The following ADAMTS19 variants were observed in gnomAD, a reference collection of about 807,000 sequenced individuals.
ADAMTS19 encodes A disintegrin and metalloproteinase with thrombospondin motifs 19.
ADAMTS19 carries 93 observed loss-of-function variants against 153.3 expected under a neutral mutation model. The ratio of observed to expected loss-of-function variants is 0.61; its 90% CI spans 0.51 to 0.72. ADAMTS19 has a LOEUF of 0.72. Ranked by LOEUF, ADAMTS19 falls within the 30% of genes least tolerant of loss-of-function variation. ADAMTS19 has a pLI of 0.00. For synonymous variants in ADAMTS19, 600 were observed against 556.6 expected, an observed-to-expected ratio of 1.08 and a Z score of -1.10; for missense variants, 1,482 against 1,552.1, an observed-to-expected ratio of 0.95 and a Z score of 0.76.
intron 3 of ADAMTS19, among the ~76,000 whole-genome samples, chr5:129,517,051 A>G (rs1751639563): frequency 6.6e-6 from 1 of 151,500 alleles, no homozygotes; most frequent in South Asian, 2.1e-4. Context: ...GTCTTTCAGG[A>G]GCATATTGTT....
chr5:129,549,646 T>A (rs1408093341), intron 6 of ADAMTS19, among the ~76,000 whole-genome samples: 2 of 151,338 alleles, frequency 1.3e-5, no homozygotes, highest in Non-Finnish European at 3.0e-5. Flanking sequence ...AATGTAAAAA[T>A]CAATCCAGTA....
intron 6 of ADAMTS19, among the ~76,000 whole-genome samples, chr5:129,535,329 A>G (rs1752375277): frequency 6.6e-6 from 1 of 152,202 alleles, no homozygotes; most frequent in Admixed American, 6.5e-5. Context: ...AAAGAGAATA[A>G]AATACCTAGG....
chr5:129,697,994 C>T (rs1169219017), intron 19 of ADAMTS19, among the ~76,000 whole-genome samples: 1 of 152,164 alleles, frequency 6.6e-6, no homozygotes. Flanking sequence ...CCAAGTTGGT[C>T]TGTGAAGGAG....
At chr5:129,660,456 A>G (rs781100454) in intron 15 of ADAMTS19, among the ~76,000 whole-genome samples, 6 of 152,036 alleles carry the variant, frequency 3.9e-5, no homozygotes, top group Non-Finnish European at 7.4e-5. Flanking sequence ...TTTTTAAAGA[A>G]TATTCTTTCA....
At chr5:129,566,478 T>C (rs1446728629) in intron 7 of ADAMTS19, among the ~76,000 whole-genome samples, 2 of 152,148 alleles carry the variant, frequency 1.3e-5, no homozygotes, top group Admixed American at 6.6e-5. Context: ...TTTTTAAAAG[T>C]AAAAGTAACA....
chr5:129,535,417 C>A (rs376839412), intron 6 of ADAMTS19, among the ~76,000 whole-genome samples: 1 of 152,118 alleles, frequency 6.6e-6, no homozygotes, highest in Non-Finnish European at 1.5e-5. Flanking sequence ...AAAGAGAATA[C>A]AAACAAATGG....
At chr5:129,514,995 T>G (rs1024105153) in intron 3 of ADAMTS19, among the ~76,000 whole-genome samples, 1 of 152,242 alleles carries the variant, frequency 6.6e-6, no homozygotes, top group Admixed American at 6.6e-5. Flanking sequence ...AAAGTTTCAT[T>G]CTTTTGCAAA....
At chr5:129,544,012 A>T (rs1001767574) in intron 6 of ADAMTS19, among the ~76,000 whole-genome samples, 33 of 152,102 alleles carry the variant, frequency 2.2e-4, no homozygotes, top group African/African-American at 7.7e-4. Context: ...TTTTAGCTCT[A>T]CCTTTTCCAC....
At chr5:129,634,221 A>C (rs924085549) in intron 10 of ADAMTS19, among the ~76,000 whole-genome samples, 1 of 152,186 alleles carries the variant, frequency 6.6e-6, no homozygotes, top group African/African-American at 2.4e-5. Context: ...CTAGGAATAC[A>C]GCCAAGCAGG....
chr5:129,542,071 C>A (rs1752671486), intron 6 of ADAMTS19, among the ~76,000 whole-genome samples: 2 of 151,906 alleles, frequency 1.3e-5, no homozygotes, highest in African/African-American at 2.4e-5. Context: ...TTGTTTTGAG[C>A]CACAGAGACC....
chr5:129,665,511 T>C lies in ADAMTS19; in HGVS notation c.2438T>C (p.Val813Ala). The change falls in exon 16 of 23, where the codon GTG (valine) becomes GCG (alanine). Residue 813 changes from valine to alanine, a missense_variant. Coordinates refer to ENST00000274487, the MANE Select transcript of ADAMTS19 (RefSeq NM_133638.6). ...NHTRGAGYVE[V>A]LVIPAGARRI... ...TTGACTCTTACAGGTTATGTAGAAG[T>C]GCTGGTGATACCTGCTGGAGCAAGA... 4 of 1,609,398 alleles carry C rather than the reference T, an allele frequency of 2.5e-6. No homozygotes were observed. Among genetic ancestry groups the C allele is most frequent in the Non-Finnish European group, 3.4e-6 (4 of 1,176,860 alleles).
At chr5:129,479,053 T>C (rs1561532448) in intron 2 of ADAMTS19, among the ~76,000 whole-genome samples, 1 of 152,154 alleles carries the variant, frequency 6.6e-6, no homozygotes, top group Non-Finnish European at 1.5e-5. Flanking sequence ...CACTCAGTTT[T>C]ATAGATAAGG....
chr5:129,519,802 C>T (rs1269507800), intron 3 of ADAMTS19, among the ~76,000 whole-genome samples: 1 of 152,086 alleles, frequency 6.6e-6, no homozygotes, highest in Non-Finnish European at 1.5e-5. Context: ...AGTTTATTGC[C>T]TTCTCTGTGT....
chr5:129,587,897 A>T (rs75522016), intron 7 of ADAMTS19, among the ~76,000 whole-genome samples: 4,762 of 152,236 alleles, frequency 0.031, 212 homozygotes, highest in African/African-American at 0.1. Context: ...TCTTGCTAAA[A>T]ATCAGCAAAT....
intron 16 of ADAMTS19, among the ~76,000 whole-genome samples, chr5:129,678,002 G>A (rs28408289): frequency 0.018 from 2,733 of 152,126 alleles, 75 homozygotes; most frequent in African/African-American, 0.062. Context: ...TTGTAGAGAT[G>A]GGGTTTTGCC....
chr5:129,518,317 A>G (rs548692641), intron 3 of ADAMTS19, among the ~76,000 whole-genome samples: 2 of 152,174 alleles, frequency 1.3e-5, no homozygotes, highest in Admixed American at 6.6e-5. Flanking sequence ...ATGATTATGT[A>G]TTACTCATTA....
intron 21 of ADAMTS19, among the ~76,000 whole-genome samples, chr5:129,709,317 C>A (rs926249442): frequency 4.6e-5 from 7 of 151,720 alleles, no homozygotes; most frequent in Admixed American, 3.9e-4. Context: ...TCTATGGGAA[C>A]AATGCTTTGG....
intron 2 of ADAMTS19, among the ~76,000 whole-genome samples, chr5:129,493,506 T>G (rs1394140652): frequency 6.6e-6 from 1 of 151,896 alleles, no homozygotes; most frequent in Non-Finnish European, 1.5e-5. Context: ...CTAAGATGCT[T>G]TGTAATTTTT....
chr5:129,647,460 T>C (rs1011513299), intron 11 of ADAMTS19, among the ~76,000 whole-genome samples: 2 of 152,146 alleles, frequency 1.3e-5, no homozygotes, highest in Non-Finnish European at 2.9e-5. Context: ...TCTTTCCTGG[T>C]TGTGCAACCT....
Sources: allele counts gnomAD v4.1 joint callset (sites outside exome capture counted in the v4.1 genomes callset), GRCh38; gene constraint gnomAD v4.1.1; transcripts MANE v1.5; gene names NCBI Gene and HGNC (gene_info 2026-07-23, HGNC 2026-07-21).